Variants in AGAP1 observed in about 807,000 individuals in gnomAD.
The protein encoded by AGAP1 is ArfGAP with GTPase domain, ankyrin repeat and PH domain 1.
Under a neutral mutation model 105.3 loss-of-function variants are expected in AGAP1, and 29 were observed. The observed-to-expected ratio is 0.28, with a 90% CI of 0.21 to 0.38. The LOEUF is 0.38. AGAP1 is among the 10% of genes least tolerant of loss of function. The probability of loss-of-function intolerance (pLI) is 1.00; values close to 1 mark genes in which losing one functional copy is unlikely to be tolerated. For missense variants in AGAP1, 998 were observed against 1,165.1 expected (o/e 0.86, Z 2.09); for synonymous variants, 509 against 485.9 (o/e 1.05, Z -0.63).
chr2:235,560,012 T>C (rs1333136629), intron 1 of AGAP1, among the ~76,000 whole-genome samples: 2 of 152,190 alleles, frequency 1.3e-5, no homozygotes, highest in East Asian at 3.8e-4. Context: ...TACCTGTTTT[T>C]TCTTTGATTA....
At chr2:235,684,744 T>G (rs894104608) in intron 1 of AGAP1, among the ~76,000 whole-genome samples, 13 of 152,174 alleles carry the variant, frequency 8.5e-5, no homozygotes, top group African/African-American at 2.9e-4. Context: ...CCATGGCTGC[T>G]TGAGTTTTTA....
In AGAP1 at chr2:235,596,898, C is replaced by T. The variant is rs1945543238; in HGVS notation, c.163+102049C>T. On this transcript the variant is annotated intron_variant, in intron 1 of 17. Coordinates refer to ENST00000304032, the MANE Select transcript of AGAP1 (RefSeq NM_001037131.3). The surrounding 1 kb of genome is among the most constrained non-coding windows in gnomAD (Gnocchi z 5.9). ...GTGGCACGAATGCCCCTCAGGAGCGCTTGCTCTGTACCCTATGAGGACATC... is the reference window on the plus strand; with the variant it reads ...GTGGCACGAATGCCCCTCAGGAGCGTTTGCTCTGTACCCTATGAGGACATC... 6.6e-6 allele frequency among the ~76,000 whole-genome samples: 1 copy of T among 152,134 alleles called. No individual in the cohort carries two copies. Among genetic ancestry groups the T allele is most frequent in the Non-Finnish European group, 1.5e-5 (1 of 68,026 alleles).
intron 13 of AGAP1, among the ~76,000 whole-genome samples, chr2:235,999,688 T>TGGTGAGAGGTGGG (rs2056026143): frequency 6.6e-6 from 1 of 151,768 alleles, no homozygotes; most frequent in African/African-American, 2.4e-5. Context: ...GTGGTGGTCG[T>TGGTGAGAGGTGGG]GGTGGTGATG....
At position 235,494,822 on chromosome 2, in the gene AGAP1, A is replaced by T; in HGVS notation, c.136A>T (p.Ile46Phe). The change falls in exon 1 of 18, where the codon ATC becomes TTC. Residue 46 changes from isoleucine to phenylalanine, a missense_variant. Physicochemically the swap from Ile to Phe is conservative, Grantham distance 21. Coordinates refer to ENST00000304032, the MANE Select transcript of AGAP1 (RefSeq NM_001037131.3). ...GGAGGAGCCGGTGCTGCAGAACCAG[A>T]TCCGGGAGCACGTCATCGCCATCGA... Reference protein sequence around the residue: ...RVEEPVLQNQIREHVIAIEDA... With the variant: ...RVEEPVLQNQFREHVIAIEDA... 2 of 1,576,776 alleles carry T rather than the reference A, an allele frequency of 1.3e-6. No individual in the cohort carries two copies. The highest frequency in any genetic ancestry group is 1.7e-6 in the Non-Finnish European group (2 of 1,161,592).
In AGAP1 at chr2:235,615,549, C is replaced by T. The variant is rs949016344; in HGVS notation, c.164-93630C>T. Among the ~76,000 whole-genome samples the T allele has an allele frequency of 2.0e-5, 3 of 152,186 alleles. No homozygotes were observed. The highest frequency in any genetic ancestry group is 4.4e-5 in the Non-Finnish European group (3 of 68,038). On this transcript the variant is annotated intron_variant, in intron 1 of 17. Transcript: ENST00000304032. The surrounding 1 kb of genome is among the most constrained non-coding windows in gnomAD (Gnocchi z 5.0). ...TTTGGCATGATTCTCATCTCTGAGC[C>T]ATTGCAACCTATTTTTTAATGCCAA... is the stretch of plus-strand genomic sequence containing the variant.
At chr2:236,071,402 A>G (rs1187426177) in intron 16 of AGAP1, among the ~76,000 whole-genome samples, 1 of 152,164 alleles carries the variant, frequency 6.6e-6, no homozygotes, top group Non-Finnish European at 1.5e-5. Flanking sequence ...CACAGAGAAC[A>G]GAGCCCACCC....
chr2:235,782,828 C>T (rs967759686), intron 6 of AGAP1, among the ~76,000 whole-genome samples: 5 of 152,194 alleles, frequency 3.3e-5, no homozygotes, highest in Non-Finnish European at 7.3e-5. Flanking sequence ...GCCTAATTTT[C>T]ACAGCGTTCA....
chr2:235,682,045 G>T (rs552691120), intron 1 of AGAP1, among the ~76,000 whole-genome samples: 36 of 151,970 alleles, frequency 2.4e-4, no homozygotes, highest in African/African-American at 8.2e-4. Flanking sequence ...TAGAGACAGG[G>T]TTTCACCATG....
intron 17 of AGAP1, among the ~76,000 whole-genome samples, chr2:236,122,613 C>T (rs1391721102): frequency 6.6e-6 from 1 of 151,896 alleles, no homozygotes; most frequent in African/African-American, 2.4e-5. Flanking sequence ...CTCTAATAAT[C>T]AATCACAGAT....
Position 236,083,570 on chromosome 2 carries a change from A to G in AGAP1, c.2114+34289A>G, listed in dbSNP as rs1199288036. On this transcript the variant is annotated intron_variant, in intron 16 of 17. Transcript: ENST00000304032. This position sits in a 1 kb window ranked among gnomAD's most constrained non-coding sequence, Gnocchi z 5.3. ...ACTGGAATTCCGTATAAATGTGTGC[A>G]TGCTCACACCCATGCCTACATTAGA... is the stretch of plus-strand genomic sequence containing the variant. 6.6e-6 allele frequency among the ~76,000 whole-genome samples: 1 copy of G among 152,178 alleles called. No individual in the cohort carries two copies. Among genetic ancestry groups the G allele is most frequent in the Non-Finnish European group, 1.5e-5 (1 of 68,034 alleles).
chr2:235,829,507 T>C (rs12463531), intron 9 of AGAP1, among the ~76,000 whole-genome samples: 70,324 of 152,146 alleles, frequency 0.46, 18,788 homozygotes, highest in East Asian at 0.8. Context: ...TGGCCAAATG[T>C]ATACTGAATT....
rs2052916483 is a variant in AGAP1 at position 235,934,949 on chromosome 2, C to T, written c.1483+4026C>T. 6.6e-6 allele frequency among the ~76,000 whole-genome samples: 1 copy of T among 152,188 alleles called. No homozygotes were observed. Among genetic ancestry groups the T allele is most frequent in the Non-Finnish European group, 1.5e-5 (1 of 68,046 alleles). On this transcript the variant is annotated intron_variant, in intron 12 of 17. Coordinates refer to ENST00000304032, the MANE Select transcript of AGAP1 (RefSeq NM_001037131.3). The surrounding 1 kb of genome is among the most constrained non-coding windows in gnomAD (Gnocchi z 4.9). Reference sequence around the variant, plus strand: ...TCTGGAGAACTTTTCAAAGTCTCCTCTCTAGACACACCGGTCCCCCCGGGG... The same window carrying T: ...TCTGGAGAACTTTTCAAAGTCTCCTTTCTAGACACACCGGTCCCCCCGGGG...
Position 236,090,138 on chromosome 2 carries a change from C to A in AGAP1, c.2115-30054C>A, listed in dbSNP as rs933933257. Among the ~76,000 whole-genome samples the A allele has an allele frequency of 6.6e-6, 1 of 152,158 alleles. No homozygotes were observed. Among genetic ancestry groups the A allele is most frequent in the Admixed American group, 6.5e-5 (1 of 15,286 alleles). On this transcript the variant is annotated intron_variant, in intron 16 of 17. Coordinates refer to ENST00000304032, the MANE Select transcript of AGAP1 (RefSeq NM_001037131.3). This position sits in a 1 kb window ranked among gnomAD's most constrained non-coding sequence, Gnocchi z 4.3. Reference sequence around the variant, plus strand: ...GCCTGAGCCCTTCACAGAGACCGGCCGTGTCCTCACCCCTCTGTCACCATT... The same window carrying A: ...GCCTGAGCCCTTCACAGAGACCGGCAGTGTCCTCACCCCTCTGTCACCATT...
Position 236,095,993 on chromosome 2 carries a change from T to G in AGAP1, c.2115-24199T>G, listed in dbSNP as rs1294177770. On this transcript the variant is annotated intron_variant, in intron 16 of 17. Transcript: ENST00000304032. This position sits in a 1 kb window ranked among gnomAD's most constrained non-coding sequence, Gnocchi z 4.1. ...AACATGAGTTATTTCCCATTAAATT[T>G]CCCCAGCTTCTGTGCCATGCTTCTT... 6.6e-6 allele frequency among the ~76,000 whole-genome samples: 1 copy of G among 152,216 alleles called. No individual in the cohort carries two copies. The highest frequency in any genetic ancestry group is 1.5e-5 in the Non-Finnish European group (1 of 68,034).
intron 16 of AGAP1, among the ~76,000 whole-genome samples, chr2:236,094,550 C>A (rs2059146446): frequency 6.6e-6 from 1 of 151,820 alleles, no homozygotes; most frequent in African/African-American, 2.4e-5. Flanking sequence ...CCAGGCTTCA[C>A]CGTGTTGTTC....
Position 236,014,635 on chromosome 2 carries a change from G to A in AGAP1, c.1646-21926G>A, listed in dbSNP as rs918995293. 1.3e-5 allele frequency among the ~76,000 whole-genome samples: 2 copies of A among 152,182 alleles called. No individual in the cohort carries two copies. The highest frequency in any genetic ancestry group is 4.8e-5 in the African/African-American group (2 of 41,452). ...TTCCTCTGTTCACCGCAGGGGAGTT[G>A]GAGGGCTCAGCCCAGGGAGCTCCAT... On this transcript the variant is annotated intron_variant, in intron 13 of 17. Transcript: ENST00000304032. This position sits in a 1 kb window ranked among gnomAD's most constrained non-coding sequence, Gnocchi z 6.3.
At chr2:235,702,950 CAG>C (rs1243771113) in intron 1 of AGAP1, among the ~76,000 whole-genome samples, 1 of 10,796 alleles carries the variant, frequency 9.3e-5, no homozygotes, top group African/African-American at 3.6e-4. Context: ...TTTTTTTGGA[CAG>C]AGTCTGGCTC....
intron 13 of AGAP1, among the ~76,000 whole-genome samples, chr2:235,991,194 TG>T (rs2055549443): frequency 6.6e-6 from 1 of 152,256 alleles, no homozygotes; most frequent in Admixed American, 6.5e-5. Flanking sequence ...GTAATATGAC[TG>T]GAGAAGTATT....
chr2:236,044,593 CAA>C lies in AGAP1; in HGVS notation c.1891+3753_1891+3754del, dbSNP rs1395419466. Among the ~76,000 whole-genome samples, 1 of 152,130 alleles carries C rather than the reference CAA, an allele frequency of 6.6e-6. No individual in the cohort carries two copies. The highest frequency in any genetic ancestry group is 2.4e-5 in the African/African-American group (1 of 41,402). On this transcript the variant is annotated intron_variant, in intron 15 of 17. Coordinates refer to ENST00000304032, the MANE Select transcript of AGAP1 (RefSeq NM_001037131.3). This position sits in a 1 kb window ranked among gnomAD's most constrained non-coding sequence, Gnocchi z 5.7. The stretch of plus-strand genomic sequence containing the variant: ...CCTTTGTGAACCCCAGGCCTGCACA[CAA>C]GAGGGGACTGGCACCCACCACTACC...
Sources: allele counts gnomAD v4.1 joint callset (sites outside exome capture counted in the v4.1 genomes callset), GRCh38; gene constraint gnomAD v4.1.1; non-coding constraint Gnocchi (gnomAD v3.1); transcripts MANE v1.5; gene names NCBI Gene and HGNC (gene_info 2026-07-23, HGNC 2026-07-21).